Variants in BICD1 observed in about 807,000 individuals in gnomAD.
BICD1 encodes the protein protein bicaudal D homolog 1.
Under a neutral mutation model 92.5 loss-of-function variants are expected in BICD1, and 35 were observed. The observed-to-expected ratio is 0.38, with a 90% CI of 0.29 to 0.50. BICD1 has a LOEUF of 0.50. Ranked by LOEUF, BICD1 falls within the 20% of genes least tolerant of loss-of-function variation. BICD1 has a pLI of 0.93. For synonymous variants in BICD1, 429 were observed against 465.1 expected (o/e 0.92, Z 1.00); for missense variants, 950 against 1,189.8 (o/e 0.80, Z 2.97).
At chr12:32,274,732 T>C (rs1441574908) in intron 2 of BICD1, among the ~76,000 whole-genome samples, 1 of 152,206 alleles carries the variant, frequency 6.6e-6, no homozygotes, top group African/African-American at 2.4e-5. Context: ...ATCACGTTAA[T>C]AAGGCATTTT....
chr12:32,176,017 CATA>C (rs1334899333), intron 1 of BICD1, among the ~76,000 whole-genome samples: 4 of 152,216 alleles, frequency 2.6e-5, no homozygotes. Flanking sequence ...TTTCGCTTAG[CATA>C]ATGTTTTCAA....
intron 1 of BICD1, among the ~76,000 whole-genome samples, chr12:32,110,441 A>G (rs1432867436): frequency 6.6e-6 from 1 of 152,162 alleles, no homozygotes; most frequent in Non-Finnish European, 1.5e-5. Context: ...GACATCATCA[A>G]AGTGTTCTCC....
intron 3 of BICD1, among the ~76,000 whole-genome samples, chr12:32,303,775 C>T (rs2136214543): frequency 6.6e-6 from 1 of 152,160 alleles, no homozygotes; most frequent in East Asian, 1.9e-4. Context: ...CATACTGTTA[C>T]ATAAGAGAAA....
intron 1 of BICD1, among the ~76,000 whole-genome samples, chr12:32,132,713 G>A (rs528555572): frequency 2.0e-5 from 3 of 152,350 alleles, no homozygotes; most frequent in African/African-American, 7.2e-5. Context: ...AGGGGCAGTG[G>A]AGAGGGAGTC....
At chr12:32,147,354 A>G (rs987517167) in intron 1 of BICD1, among the ~76,000 whole-genome samples, 1 of 152,218 alleles carries the variant, frequency 6.6e-6, no homozygotes, top group African/African-American at 2.4e-5. Flanking sequence ...GAATTCTAAA[A>G]TCCACAACGC....
Position 32,170,324 on chromosome 12 carries a change from C to A in BICD1, c.214-45923C>A, listed in dbSNP as rs1036046512. Among the ~76,000 whole-genome samples, 3 of 152,154 alleles carry A rather than the reference C, an allele frequency of 2.0e-5. No homozygotes were observed. In the East Asian group the frequency reaches 5.8e-4, roughly 29 times the overall value. On this transcript the variant is annotated intron_variant, in intron 1 of 9. Coordinates refer to ENST00000652176, the MANE Select transcript of BICD1 (RefSeq NM_001714.4). Reference sequence around the variant, plus strand: ...CCTTTCCATTTTATTTTGTATGCCTCTTTGTAAGCTGCCTTAAATGCTTTT... The same window carrying A: ...CCTTTCCATTTTATTTTGTATGCCTATTTGTAAGCTGCCTTAAATGCTTTT...
At chr12:32,108,636 C>T in intron 1 of BICD1, 1 of 692,832 alleles carries the variant, frequency 1.4e-6, no homozygotes, top group South Asian at 1.5e-5. Context: ...TTATTTTATG[C>T]TGTTACAGTT....
rs1274163769 is a variant in BICD1, at chr12:32,379,934, C to T, written c.*2307C>T. 1 of 152,162 alleles carries T rather than the reference C, an allele frequency of 6.6e-6. No individual in the cohort carries two copies. The highest frequency in any genetic ancestry group is 1.9e-4 in the East Asian group (1 of 5,198). The allele number at this position is 152,162 out of a possible 1,614,324, so 9.4% of individuals were successfully genotyped here. On this transcript the variant is annotated 3_prime_UTR_variant, in exon 10 of 10. Transcript: ENST00000652176. ...TTTATCCCTAACTCTGAATCTAGGA[C>T]TCCATGAAAAGCCGGGTCACCCACA... is the stretch of plus-strand genomic sequence containing the variant.
chr12:32,327,387 C>A (rs1948805879), intron 4 of BICD1, 74 bp from the exon 5 acceptor site: 4 of 1,504,094 alleles, frequency 2.7e-6, no homozygotes, highest in East Asian at 2.3e-5. Context: ...GTATACATGC[C>A]CGACTGTGAA....
chr12:32,176,513 T>A (rs1231207520), intron 1 of BICD1, among the ~76,000 whole-genome samples: 1 of 152,192 alleles, frequency 6.6e-6, no homozygotes, highest in African/African-American at 2.4e-5. Flanking sequence ...AACCACTGCG[T>A]CAATCAAGAT....
intron 4 of BICD1, among the ~76,000 whole-genome samples, chr12:32,317,854 T>C (rs9668328): frequency 1.3e-5 from 2 of 150,472 alleles, no homozygotes; most frequent in Non-Finnish European, 1.5e-5. Context: ...GGTCTAACAT[T>C]TAAGTCTTTA....
chr12:32,239,770 G>A (rs912961442), intron 2 of BICD1, among the ~76,000 whole-genome samples: 14 of 151,204 alleles, frequency 9.3e-5, no homozygotes, highest in Non-Finnish European at 1.8e-4. Context: ...CACCACACCC[G>A]GCTAATTTTG....
intron 1 of BICD1, among the ~76,000 whole-genome samples, chr12:32,189,824 G>A (rs990166186): frequency 2.0e-5 from 3 of 150,840 alleles, no homozygotes; most frequent in Admixed American, 1.3e-4. Context: ...TCAGCCTCCC[G>A]AGTAGCTGGG....
intron 1 of BICD1, among the ~76,000 whole-genome samples, chr12:32,160,427 A>C (rs1453658903): frequency 6.6e-6 from 1 of 152,194 alleles, no homozygotes; most frequent in South Asian, 2.1e-4. Flanking sequence ...ATATTTCCAC[A>C]AATATGGCTA....
At chr12:32,341,481 T>G (rs937722440) in intron 8 of BICD1, among the ~76,000 whole-genome samples, 1 of 148,784 alleles carries the variant, frequency 6.7e-6, no homozygotes, top group African/African-American at 2.5e-5. Flanking sequence ...AAAAAAAAAT[T>G]AGAGATATAA....
At chr12:32,116,510 C>A (rs12319732) in intron 1 of BICD1, among the ~76,000 whole-genome samples, 37,340 of 102,328 alleles carry the variant, frequency 0.36, 6,438 homozygotes, top group Non-Finnish European at 0.41. Context: ...CTCTCTCTCT[C>A]TATATATATA....
intron 3 of BICD1, among the ~76,000 whole-genome samples, chr12:32,302,135 C>G (rs554963867): frequency 6.6e-6 from 1 of 152,316 alleles, no homozygotes; most frequent in South Asian, 2.1e-4. Flanking sequence ...ATCCGCCCGC[C>G]TCAGCCTCCC....
At chr12:32,212,356 C>T (rs1945240631) in intron 1 of BICD1, among the ~76,000 whole-genome samples, 1 of 152,188 alleles carries the variant, frequency 6.6e-6, no homozygotes, top group Non-Finnish European at 1.5e-5. Context: ...AACTAAGTTT[C>T]ACAGGTTAAT....
rs1592696526 is a variant in BICD1 at position 32,339,817 on chromosome 12, T to A, written c.2764+838T>A. 18 of 983,220 alleles carry A rather than the reference T, an allele frequency of 1.8e-5. 1 individual carries two copies. In the South Asian group the frequency reaches 8.5e-4, roughly 46 times the overall value. 60.9% of individuals were successfully genotyped at this position (983,220 alleles called of 1,614,324 possible). On this transcript the variant is annotated intron_variant, in intron 8 of 9. Coordinates refer to ENST00000652176, the MANE Select transcript of BICD1 (RefSeq NM_001714.4). The stretch of plus-strand genomic sequence containing the variant: ...AAAATAAAAAATAAAACTATTTAAG[T>A]TAGTTATTGACAGTTAAAAATTCAA...
Sources: allele counts gnomAD v4.1 joint callset (sites outside exome capture counted in the v4.1 genomes callset), GRCh38; gene constraint gnomAD v4.1.1; transcripts MANE v1.5; gene names NCBI Gene and HGNC (gene_info 2026-07-23, HGNC 2026-07-21).